The following AK5 variants were observed in gnomAD, a reference collection of about 807,000 sequenced individuals.
The protein encoded by AK5 is adenylate kinase isoenzyme 5.
A neutral mutation model predicts 69.5 loss-of-function variants in AK5; 27 were observed. That is an observed-to-expected ratio of 0.39 (90% CI 0.29 to 0.54). The LOEUF is 0.54. AK5 is among the 20% of genes least tolerant of loss of function. The pLI, the probability that AK5 is intolerant of heterozygous loss-of-function variation, is 0.71. For missense variants in AK5, 531 were observed against 700.4 expected, an observed-to-expected ratio of 0.76 and a Z score of 2.73; for synonymous variants, 260 against 244.4, an observed-to-expected ratio of 1.06 and a Z score of -0.60.
intron 10 of AK5, among the ~76,000 whole-genome samples, chr1:77,506,281 T>A (rs1041141778): frequency 2.6e-5 from 4 of 151,972 alleles, no homozygotes; most frequent in African/African-American, 9.7e-5. Context: ...TGGGGTTTTT[T>A]TAATTTTTTA....
intron 6 of AK5, among the ~76,000 whole-genome samples, chr1:77,410,654 C>A (rs1296868187): frequency 6.6e-6 from 1 of 152,134 alleles, no homozygotes; most frequent in Non-Finnish European, 1.5e-5. Flanking sequence ...TATATATTTT[C>A]ATGTTTTTCA....
chr1:77,545,581 C>T (rs995862423), intron 13 of AK5, among the ~76,000 whole-genome samples: 1 of 152,160 alleles, frequency 6.6e-6, no homozygotes, highest in Non-Finnish European at 1.5e-5. Context: ...GACTGCTGAG[C>T]TATTTTAAGC....
In AK5 at chr1:77,403,555, T is replaced by C. The variant is rs571507803; in HGVS notation, c.892-7426T>C. Among the ~76,000 whole-genome samples the C allele has an allele frequency of 3.4e-3, 511 of 152,366 alleles. 4 individuals are homozygous for C. Among genetic ancestry groups the C allele is most frequent in the African/African-American group, 0.012 (490 of 41,578 alleles). Reference sequence around the variant, plus strand: ...CCAGCACCATTTATTAAATAGGGAATCCTTTCCCCATTGCTTGTTTTTCTC... The same window carrying C: ...CCAGCACCATTTATTAAATAGGGAACCCTTTCCCCATTGCTTGTTTTTCTC... On this transcript the variant is annotated intron_variant, in intron 6 of 13. Transcript: ENST00000354567.
intron 6 of AK5, among the ~76,000 whole-genome samples, chr1:77,369,416 G>A (rs1413836158): frequency 6.6e-6 from 1 of 152,082 alleles, no homozygotes; most frequent in East Asian, 1.9e-4. Context: ...TCTTATGAAA[G>A]CAGATGCTCC....
At chr1:77,326,456 T>TA (rs1203854272) in intron 5 of AK5, among the ~76,000 whole-genome samples, 1 of 152,024 alleles carries the variant, frequency 6.6e-6, no homozygotes, top group Non-Finnish European at 1.5e-5. Flanking sequence ...TTTTTTTTTT[T>TA]AAAGTACTTT....
chr1:77,493,434 T>C (rs1480168418), intron 10 of AK5, among the ~76,000 whole-genome samples: 1 of 152,074 alleles, frequency 6.6e-6, no homozygotes, highest in African/African-American at 2.4e-5. Context: ...TTGGCCTCTA[T>C]AATGGAGTGA....
intron 7 of AK5, among the ~76,000 whole-genome samples, chr1:77,417,072 C>T (rs572225954): frequency 2.6e-5 from 4 of 152,154 alleles, no homozygotes; most frequent in African/African-American, 9.6e-5. Flanking sequence ...TTAAGTTAAC[C>T]CGATTTTTCT....
intron 8 of AK5, among the ~76,000 whole-genome samples, chr1:77,450,307 C>T (rs1051594052): frequency 7.9e-5 from 12 of 152,170 alleles, no homozygotes; most frequent in Admixed American, 4.6e-4. Context: ...GTTCCAAAGT[C>T]GCTTCCATAT....
Position 77,287,137 on chromosome 1 carries a change from A to G in AK5, c.247+10A>G, listed in dbSNP as rs766951395. The G allele has an allele frequency of 3.3e-6, 5 of 1,518,294 alleles. No individual in the cohort carries two copies. The highest frequency in any genetic ancestry group is 1.8e-6 in the Non-Finnish European group (2 of 1,128,692). 94.1% of individuals were successfully genotyped at this position (1,518,294 alleles called of 1,614,324 possible). A position where few individuals can be genotyped will look rare whatever the true frequency, so the allele number is the denominator to read the frequency against. On this transcript the variant is annotated intron_variant, in intron 2 of 13. Transcript: ENST00000354567. ...TCCTTTCTAAGAAATGGTAATGTAT[A>G]TGGAGAATAATAGACAGTTTTATAG...
intron 6 of AK5, among the ~76,000 whole-genome samples, chr1:77,397,759 A>G (rs1648927611): frequency 6.6e-6 from 1 of 152,240 alleles, no homozygotes; most frequent in Admixed American, 6.5e-5. Context: ...AAAATTAGCC[A>G]GGTATGGTGC....
intron 6 of AK5, among the ~76,000 whole-genome samples, chr1:77,368,245 A>ATATGTTATATATATGTTATATATAT (rs1553140333): frequency 2.9e-5 from 2 of 67,906 alleles, no homozygotes; most frequent in Non-Finnish European, 5.7e-5. Context: ...ATATATATAT[A>ATATGTTATATATATGTTATATATAT]TATATATAAT....
chr1:77,529,334 G>GTTTT (rs935476152), intron 12 of AK5, among the ~76,000 whole-genome samples: 2 of 138,028 alleles, frequency 1.4e-5, no homozygotes, highest in Non-Finnish European at 3.1e-5. Flanking sequence ...CGTTTTATAG[G>GTTTT]TTTTTTTTTT....
At chr1:77,464,205 G>A (rs1011415197) in intron 8 of AK5, among the ~76,000 whole-genome samples, 2 of 152,238 alleles carry the variant, frequency 1.3e-5, no homozygotes, top group African/African-American at 2.4e-5. Context: ...AGAAAAGGGG[G>A]AAACAGGGAC....
rs190757937 is a variant in AK5 at position 77,302,440 on chromosome 1, A to G, written c.699+4493A>G. Among the ~76,000 whole-genome samples the G allele has an allele frequency of 1.1e-4, 17 of 152,264 alleles. No homozygotes were observed. The East Asian group carries it at 2.5e-3, about 22-fold the overall frequency. On this transcript the variant is annotated intron_variant, in intron 5 of 13. Transcript: ENST00000354567. ...GTTCATTTTTATAGATTGAGGGTAC[A>G]AGTGCAGTTTCATTACGCAGATATA...
At chr1:77,463,947 T>A (rs182028632) in intron 8 of AK5, among the ~76,000 whole-genome samples, 1 of 152,170 alleles carries the variant, frequency 6.6e-6, no homozygotes, top group Non-Finnish European at 1.5e-5. Flanking sequence ...AGGTATCCAG[T>A]ATATTGAGAA....
intron 10 of AK5, among the ~76,000 whole-genome samples, chr1:77,496,917 G>A (rs866024504): frequency 6.6e-5 from 10 of 152,072 alleles, no homozygotes; most frequent in Admixed American, 1.3e-4. Context: ...TGGACCAATC[G>A]GCACTCTGTA....
intron 5 of AK5, among the ~76,000 whole-genome samples, chr1:77,298,687 A>G (rs1659158678): frequency 6.6e-6 from 1 of 151,364 alleles, no homozygotes; most frequent in Admixed American, 6.6e-5. Context: ...AACCGGGTAT[A>G]GTGGCGCACA....
intron 5 of AK5, among the ~76,000 whole-genome samples, chr1:77,331,620 C>CT (rs1421026059): frequency 6.6e-6 from 1 of 152,038 alleles, no homozygotes. Flanking sequence ...GATTCATTTG[C>CT]TATATTATTA....
chr1:77,299,666 G>T (rs1317343754), intron 5 of AK5, among the ~76,000 whole-genome samples: 1 of 152,116 alleles, frequency 6.6e-6, no homozygotes, highest in Non-Finnish European at 1.5e-5. Flanking sequence ...TATTGCTGTT[G>T]CTACCACATT....
Sources: gnomAD v4.1 joint callset for allele counts (sites outside exome capture counted in the v4.1 genomes callset) on GRCh38, gnomAD v4.1.1 for gene constraint, MANE v1.5 for transcripts, NCBI Gene and HGNC (gene_info 2026-07-23, HGNC 2026-07-21) for gene names.